Variants in PARD3 observed in about 807,000 individuals in gnomAD.
The protein encoded by PARD3 is par-3 family cell polarity regulator.
Under a neutral mutation model 155.4 loss-of-function variants are expected in PARD3, and 75 were observed. The observed-to-expected ratio is 0.48, with a 90% CI of 0.40 to 0.58. The LOEUF is 0.58. Among genes scored for constraint, PARD3 ranks in the 20% least tolerant of loss-of-function variants. The probability of loss-of-function intolerance (pLI) is 0.00; values close to 1 mark genes in which losing one functional copy is unlikely to be tolerated. For missense variants in PARD3, 1,642 were observed against 1,721.7 expected, an observed-to-expected ratio of 0.95 and a Z score of 0.82; for synonymous variants, 576 against 610.5, an observed-to-expected ratio of 0.94 and a Z score of 0.83.
At chr10:34,550,685 T>A (rs2084477997) in intron 2 of PARD3, among the ~76,000 whole-genome samples, 1 of 152,222 alleles carries the variant, frequency 6.6e-6, no homozygotes, top group Non-Finnish European at 1.5e-5. Context: ...AGTCACTCCA[T>A]ATTTGGAGAT....
chr10:34,793,525 A>G (rs11009936), intron 1 of PARD3, among the ~76,000 whole-genome samples: 53,703 of 152,120 alleles, frequency 0.35, 10,631 homozygotes, highest in African/African-American at 0.55. Context: ...GGTGCCTCAC[A>G]CCTGTAATCC....
chr10:34,795,801 G>A (rs1380646990), intron 1 of PARD3, among the ~76,000 whole-genome samples: 1 of 151,972 alleles, frequency 6.6e-6, no homozygotes, highest in Non-Finnish European at 1.5e-5. Context: ...GGCTGAGGCA[G>A]GAGAATCGCT....
At chr10:34,135,537 A>G (rs1217477830) in intron 22 of PARD3, among the ~76,000 whole-genome samples, 1 of 152,198 alleles carries the variant, frequency 6.6e-6, no homozygotes, top group African/African-American at 2.4e-5. Flanking sequence ...CATGCGGTGT[A>G]CAAGGCTTCT....
At chr10:34,172,193 T>C (rs1299620776) in intron 22 of PARD3, among the ~76,000 whole-genome samples, 3 of 152,090 alleles carry the variant, frequency 2.0e-5, no homozygotes, top group Non-Finnish European at 4.4e-5. Flanking sequence ...CAAAATTGAA[T>C]TCATATGGGC....
Position 34,246,596 on chromosome 10 carries a change from C to T in PARD3, c.3419+23061G>A, listed in dbSNP as rs1266494858. Among the ~76,000 whole-genome samples the T allele has an allele frequency of 2.0e-5, 3 of 152,120 alleles. No individual in the cohort carries two copies. In the East Asian group the frequency reaches 5.8e-4, roughly 29 times the overall value. On this transcript the variant is annotated intron_variant, in intron 22 of 24. Transcript: ENST00000374788. ...AAAGAGCTCCAGAAATCAGCACGGG[C>T]CCTCTTCAGTCTTTGATTCCCACCC...
At chr10:34,804,040 T>G (rs931599049) in intron 1 of PARD3, among the ~76,000 whole-genome samples, 3 of 150,602 alleles carry the variant, frequency 2.0e-5, no homozygotes, top group Non-Finnish European at 4.4e-5. Flanking sequence ...TTTTTGTTTT[T>G]TTTTTTTTTT....
intron 2 of PARD3, among the ~76,000 whole-genome samples, chr10:34,596,129 G>A (rs530266191): frequency 6.6e-6 from 1 of 152,190 alleles, no homozygotes; most frequent in Admixed American, 6.5e-5. Flanking sequence ...TCTAATTCAA[G>A]TTAAATGTGA....
At chr10:34,685,460 A>G (rs1483079406) in intron 2 of PARD3, among the ~76,000 whole-genome samples, 1 of 152,162 alleles carries the variant, frequency 6.6e-6, no homozygotes, top group Non-Finnish European at 1.5e-5. Flanking sequence ...ACCATGTAAC[A>G]CCCTAGGCAG....
At position 34,332,580 on chromosome 10, in the gene PARD3, AC is replaced by A. The variant is rs760192095; in HGVS notation, c.2606-1237del. ...TTAAAATTACACTGAAAGACTCAAA[AC>A]AAAATTTAATTTTTTAAGATTCACT... On this transcript the variant is annotated intron_variant, in intron 18 of 24. Coordinates refer to ENST00000374788, the MANE Select transcript of PARD3 (RefSeq NM_001184785.2). Among the ~76,000 whole-genome samples the A allele has an allele frequency of 2.0e-5, 3 of 152,140 alleles. No homozygotes were observed. The South Asian group carries it at 6.2e-4, about 32-fold the overall frequency.
At chr10:34,606,965 T>TAAAA (rs531578595) in intron 2 of PARD3, among the ~76,000 whole-genome samples, 56 of 114,814 alleles carry the variant, frequency 4.9e-4, no homozygotes, top group East Asian at 3.1e-3. Flanking sequence ...GACTCTGTCT[T>TAAAA]AAAAAAAAAA....
intron 5 of PARD3, among the ~76,000 whole-genome samples, chr10:34,403,781 T>C (rs899762099): frequency 5.9e-5 from 9 of 152,208 alleles, no homozygotes; most frequent in South Asian, 2.1e-4. Flanking sequence ...GCACTTGGAA[T>C]GTAAACACGA....
chr10:34,764,982 G>A (rs1564595600), intron 1 of PARD3, among the ~76,000 whole-genome samples: 1 of 152,090 alleles, frequency 6.6e-6, no homozygotes, highest in Non-Finnish European at 1.5e-5. Context: ...TTAGGATTAG[G>A]TCTCATCCTT....
At chr10:34,304,687 T>C (rs1564565912) in intron 20 of PARD3, among the ~76,000 whole-genome samples, 1 of 152,178 alleles carries the variant, frequency 6.6e-6, no homozygotes, top group East Asian at 1.9e-4. Context: ...GGTAAGTTCT[T>C]CTCCACACCT....
chr10:34,317,871 CAGATTA>C (rs1958107078), intron 19 of PARD3, among the ~76,000 whole-genome samples: 1 of 152,190 alleles, frequency 6.6e-6, no homozygotes, highest in Admixed American at 6.5e-5. Context: ...CACAGAAGAG[CAGATTA>C]TTTTGGCTTA....
chr10:34,136,581 G>A (rs1166787535), intron 22 of PARD3, among the ~76,000 whole-genome samples: 2 of 152,088 alleles, frequency 1.3e-5, no homozygotes, highest in Non-Finnish European at 2.9e-5. Flanking sequence ...GTAGACAGGA[G>A]GAGGAAATGA....
intron 2 of PARD3, among the ~76,000 whole-genome samples, chr10:34,580,176 A>C (rs1392460893): frequency 1.3e-5 from 2 of 152,146 alleles, no homozygotes; most frequent in African/African-American, 4.8e-5. Context: ...CAGCCTCCCA[A>C]AGTGCTGAGA....
chr10:34,641,563 G>C (rs1353468285), intron 2 of PARD3, among the ~76,000 whole-genome samples: 1 of 152,214 alleles, frequency 6.6e-6, no homozygotes, highest in African/African-American at 2.4e-5. Context: ...GCCTTGGCGT[G>C]TAAGAAACAG....
intron 2 of PARD3, among the ~76,000 whole-genome samples, chr10:34,524,861 A>G (rs1323000317): frequency 6.6e-6 from 1 of 152,210 alleles, no homozygotes; most frequent in Non-Finnish European, 1.5e-5. Flanking sequence ...TGTTCCCTCA[A>G]AGAGAACATG....
intron 7 of PARD3, among the ~76,000 whole-genome samples, chr10:34,389,982 GTCTC>G (rs1332599693): frequency 1.3e-5 from 2 of 152,138 alleles, no homozygotes; most frequent in Admixed American, 6.5e-5. Flanking sequence ...ACTGCAACTT[GTCTC>G]TCTAAAACCA....
Sources: allele counts gnomAD v4.1 joint callset (sites outside exome capture counted in the v4.1 genomes callset), GRCh38; gene constraint gnomAD v4.1.1; transcripts MANE v1.5; gene names NCBI Gene and HGNC (gene_info 2026-07-23, HGNC 2026-07-21).